The following PITPNM2 variants were observed in gnomAD, a reference collection of about 807,000 sequenced individuals.
PITPNM2 encodes phosphatidylinositol transfer protein membrane associated 2, also known as membrane-associated phosphatidylinositol transfer protein 2.
PITPNM2 carries 35 observed loss-of-function variants against 132.2 expected under a neutral mutation model. The ratio of observed to expected loss-of-function variants is 0.26; its 90% CI spans 0.20 to 0.35. The LOEUF (loss-of-function observed/expected upper bound fraction) is 0.35. Among genes scored for constraint, PITPNM2 ranks in the 10% least tolerant of loss-of-function variants. PITPNM2 has a pLI of 1.00. For missense variants in PITPNM2, 1,332 were observed against 1,912.0 expected (o/e 0.70, Z 5.66); for synonymous variants, 738 against 799.2 (o/e 0.92, Z 1.29).
chr12:123,005,468 T>C lies in PITPNM2; in HGVS notation c.724A>G (p.Ile242Val), dbSNP rs761391979. 6.2e-7 allele frequency: 1 copy of C among 1,614,076 alleles called. No homozygotes were observed. Residue 242 changes from isoleucine (I) to valine (V), a missense_variant, in exon 7 of 26, where the codon ATC becomes GTC. By Grantham distance (29) the Ile-to-Val change is conservative. Coordinates refer to ENST00000320201, the MANE Select transcript of PITPNM2 (RefSeq NM_020845.3). The surrounding 1 kb of genome is among the most constrained non-coding windows in gnomAD (Gnocchi z 6.2). ...TGTGCCTCCTTCTCCAGCTCCCGGA[T>C]GTTCTCCATGCTCAGCCCATACCAC... ...DEWYGLSMENIRELEKEAQLM... is the reference protein window; with the variant it reads ...DEWYGLSMENVRELEKEAQLM...
At position 123,004,167 on chromosome 12, in the gene PITPNM2, G is replaced by A. The variant is rs1335462937; in HGVS notation, c.1048+227C>T. On this transcript the variant is annotated intron_variant, in intron 8 of 25. Transcript: ENST00000320201. The surrounding 1 kb of genome is among the most constrained non-coding windows in gnomAD (Gnocchi z 4.9). ...CAGGCCCACAGCACATCCTGATATC[G>A]GGTTCTGAGACCCCAGACTCAAGGG... Among the ~76,000 whole-genome samples the A allele has an allele frequency of 6.6e-6, 1 of 152,104 alleles. No individual in the cohort carries two copies. The highest frequency in any genetic ancestry group is 2.4e-5 in the African/African-American group (1 of 41,408).
chr12:123,066,008 C>T (rs1372688090), intron 2 of PITPNM2, among the ~76,000 whole-genome samples: 2 of 152,236 alleles, frequency 1.3e-5, no homozygotes, highest in African/African-American at 4.8e-5. Flanking sequence ...CAGGCCTAAG[C>T]CTTGTCCCTT....
rs201475263 is a variant in PITPNM2, at chr12:123,106,407, CT to C, written c.-96+3977del. The stretch of plus-strand genomic sequence containing the variant: ...CATCTCTAAAATAAGTAAATAATTC[CT>C]TTAAAAAAAAAAACAGGAAGAAAAG... On this transcript the variant is annotated intron_variant, in intron 2 of 25. Coordinates refer to ENST00000320201, the MANE Select transcript of PITPNM2 (RefSeq NM_020845.3). This position sits in a 1 kb window ranked among gnomAD's most constrained non-coding sequence, Gnocchi z 4.4. Among the ~76,000 whole-genome samples the C allele has an allele frequency of 9.2e-3, 1,394 of 151,220 alleles. 23 individuals are homozygous for C. Among genetic ancestry groups the C allele is most frequent in the African/African-American group, 0.032 (1,304 of 40,912 alleles).
At chr12:123,069,776 G>A (rs2041567931) in intron 2 of PITPNM2, among the ~76,000 whole-genome samples, 1 of 152,164 alleles carries the variant, frequency 6.6e-6, no homozygotes, top group African/African-American at 2.4e-5. Context: ...GCTTAATAAA[G>A]GTAGGTACCC....
In PITPNM2 at chr12:122,988,224, G is replaced by A. The variant is rs200023163; in HGVS notation, c.2997+10C>T. ...CATCGTGGGGGCCTGGGCGCCCGGG[G>A]GACCCTCACCCGCAGCTTCACGTGG... is the stretch of plus-strand genomic sequence containing the variant. On this transcript the variant is annotated intron_variant, in intron 20 of 25. Transcript: ENST00000320201. The A allele has an allele frequency of 5.6e-5, 90 of 1,610,964 alleles. 1 individual carries two copies. In the East Asian group the frequency reaches 1.9e-3, roughly 34 times the overall value.
At chr12:122,990,853 G>A (rs2038158372) in intron 16 of PITPNM2, 144 bp from the exon 17 acceptor site, 20 of 878,008 alleles carry the variant, frequency 2.3e-5, no homozygotes, top group South Asian at 2.1e-4. Context: ...GCTCAGGGCC[G>A]TGAGAGGAAG....
intron 1 of PITPNM2, among the ~76,000 whole-genome samples, chr12:123,140,132 C>T (rs759037391): frequency 5.3e-5 from 8 of 152,196 alleles, no homozygotes; most frequent in African/African-American, 9.7e-5. Flanking sequence ...GATCAAGAAC[C>T]AGGTTCAGCT....
In PITPNM2 at chr12:123,036,834, C is replaced by A. The variant is rs2040283654; in HGVS notation, c.-95-2149G>T. 6.6e-6 allele frequency among the ~76,000 whole-genome samples: 1 copy of A among 152,172 alleles called. No individual in the cohort carries two copies. The highest frequency in any genetic ancestry group is 1.5e-5 in the Non-Finnish European group (1 of 68,024). ...CCAGGCCCTGCTATATCCATAAGGA[C>A]TCTTGCTAGGAGGGGCTTCCCCTCT... On this transcript the variant is annotated intron_variant, in intron 2 of 25. Transcript: ENST00000320201. The surrounding 1 kb of genome is among the most constrained non-coding windows in gnomAD (Gnocchi z 4.1).
At chr12:123,074,724 G>A (rs535803669) in intron 2 of PITPNM2, among the ~76,000 whole-genome samples, 7 of 152,178 alleles carry the variant, frequency 4.6e-5, no homozygotes, top group African/African-American at 1.4e-4. Context: ...TTGGGCTGGC[G>A]GCCCTCAGAA....
At chr12:123,070,492 T>C (rs2041591480) in intron 2 of PITPNM2, among the ~76,000 whole-genome samples, 1 of 152,134 alleles carries the variant, frequency 6.6e-6, no homozygotes, top group African/African-American at 2.4e-5. Flanking sequence ...GGTCTGCTCC[T>C]CTGGACAGAG....
At chr12:123,040,898 T>C (rs2136530338) in intron 2 of PITPNM2, among the ~76,000 whole-genome samples, 1 of 152,224 alleles carries the variant, frequency 6.6e-6, no homozygotes, top group South Asian at 2.1e-4. Context: ...GTATGAAGAG[T>C]GTGGAATAAA....
chr12:123,128,621 C>T (rs574694611), intron 1 of PITPNM2, among the ~76,000 whole-genome samples: 5 of 151,494 alleles, frequency 3.3e-5, no homozygotes, highest in Non-Finnish European at 4.4e-5. Flanking sequence ...GCCATAGTGG[C>T]ACACGTCTGT....
chr12:122,988,142 C>T, intron 20 of PITPNM2, 92 bp downstream of exon 20: 2 of 1,163,494 alleles, frequency 1.7e-6, no homozygotes. Flanking sequence ...CATAAGACTG[C>T]AGGCTTCCCT....
chr12:123,140,242 C>G (rs1296936264), intron 1 of PITPNM2, among the ~76,000 whole-genome samples: 1 of 152,194 alleles, frequency 6.6e-6, no homozygotes, highest in Non-Finnish European at 1.5e-5. Context: ...CCACCTGCAT[C>G]ACCTCTTAAT....
At chr12:123,146,849 C>G (rs570562536) in intron 1 of PITPNM2, among the ~76,000 whole-genome samples, 1 of 152,192 alleles carries the variant, frequency 6.6e-6, no homozygotes, top group South Asian at 2.1e-4. Context: ...GACTTGGGTT[C>G]CAGGCTAGAA....
intron 16 of PITPNM2, among the ~76,000 whole-genome samples, chr12:122,991,270 G>A (rs768093167): frequency 1.7e-4 from 26 of 152,332 alleles, no homozygotes; most frequent in Non-Finnish European, 3.1e-4. Context: ...TCACCCAGGC[G>A]CAGGCTGAAG....
intron 2 of PITPNM2, among the ~76,000 whole-genome samples, chr12:123,079,722 T>C (rs1440892976): frequency 6.6e-6 from 1 of 152,258 alleles, no homozygotes; most frequent in Non-Finnish European, 1.5e-5. Context: ...AACATCCATA[T>C]ATTCACCATC....
At chr12:123,090,091 G>A (rs952983660) in intron 2 of PITPNM2, 2 of 152,230 alleles carry the variant, frequency 1.3e-5, no homozygotes, top group African/African-American at 4.8e-5. Context: ...TCAGGAAGCT[G>A]AGAGTGGCTT....
At chr12:123,039,455 T>C (rs2040384029) in intron 2 of PITPNM2, among the ~76,000 whole-genome samples, 1 of 152,126 alleles carries the variant, frequency 6.6e-6, no homozygotes, top group South Asian at 2.1e-4. Context: ...CAAATGATAA[T>C]ACAACTAAGA....
Sources: allele counts gnomAD v4.1 joint callset (sites outside exome capture counted in the v4.1 genomes callset), GRCh38; gene constraint gnomAD v4.1.1; non-coding constraint Gnocchi (gnomAD v3.1); transcripts MANE v1.5; gene names NCBI Gene and HGNC (gene_info 2026-07-23, HGNC 2026-07-21).